Variants in XPO6 observed in about 807,000 individuals in gnomAD.
The protein encoded by XPO6 is exportin-6.
Under a neutral mutation model 130.0 loss-of-function variants are expected in XPO6, and 3 were observed. The observed-to-expected ratio is 0.02, with a 90% CI of 0.01 to 0.06. The LOEUF (loss-of-function observed/expected upper bound fraction) is 0.06. Among genes scored for constraint, XPO6 ranks in the 10% least tolerant of loss-of-function variants. The probability of loss-of-function intolerance (pLI) is 1.00; values close to 1 mark genes in which losing one functional copy is unlikely to be tolerated. For synonymous variants in XPO6, 524 were observed against 548.9 expected (o/e 0.95, Z 0.63); for missense variants, 970 against 1,393.0 (o/e 0.70, Z 4.83).
chr16:28,114,748 AAT>A (rs1438816491), intron 15 of XPO6, among the ~76,000 whole-genome samples: 3 of 152,168 alleles, frequency 2.0e-5, no homozygotes, highest in Non-Finnish European at 4.4e-5. Flanking sequence ...CCTTTCATGA[AAT>A]ATTTCTCTGG....
chr16:28,180,929 T>G lies in XPO6; in HGVS notation c.94+12A>C, dbSNP rs2043605315. 1.2e-6 allele frequency: 2 copies of G among 1,608,328 alleles called. No homozygotes were observed. Among genetic ancestry groups the G allele is most frequent in the South Asian group, 2.2e-5 (2 of 90,218 alleles). ...TTATAAATTCCTCTTTACAAGTCAA[T>G]GCTCCACTTACCTATCTCACGTTTT... On this transcript the variant is annotated intron_variant, in intron 2 of 23. Coordinates refer to ENST00000304658, the MANE Select transcript of XPO6 (RefSeq NM_015171.4).
intron 10 of XPO6, among the ~76,000 whole-genome samples, chr16:28,134,277 A>T (rs145059185): frequency 1.3e-5 from 2 of 152,264 alleles, no homozygotes; most frequent in African/African-American, 4.8e-5. Context: ...CACATAACTG[A>T]CTGACTCAGT....
At chr16:28,105,088 C>T (rs1432305309) in intron 20 of XPO6, among the ~76,000 whole-genome samples, 1 of 152,218 alleles carries the variant, frequency 6.6e-6, no homozygotes, top group African/African-American at 2.4e-5. Context: ...TTCGACCTGT[C>T]AGATCTTCTT....
intron 6 of XPO6, among the ~76,000 whole-genome samples, chr16:28,165,046 G>A (rs747380082): frequency 1.9e-4 from 29 of 151,956 alleles, no homozygotes; most frequent in Non-Finnish European, 3.8e-4. Context: ...GCGAAACCCC[G>A]TCTCTACAAA....
intron 2 of XPO6, among the ~76,000 whole-genome samples, chr16:28,179,960 T>A (rs1242823897): frequency 6.6e-6 from 1 of 152,204 alleles, no homozygotes; most frequent in Admixed American, 6.5e-5. Context: ...GTTTAATTCA[T>A]GAAATAGAAG....
At chr16:28,195,758 A>G (rs927877513) in intron 1 of XPO6, among the ~76,000 whole-genome samples, 3 of 152,184 alleles carry the variant, frequency 2.0e-5, no homozygotes, top group Non-Finnish European at 2.9e-5. Context: ...TCTCAAAAAG[A>G]AAAAGAAAGA....
Position 28,139,981 on chromosome 16 carries a change from C to T in XPO6, c.1335-4657G>A, listed in dbSNP as rs527291959. ...GCGCAGTGGCTCACGCCTGTAATCCCAGCACTTTGGGAGGCCAAGGCAGGC... is the reference window on the plus strand; with the variant it reads ...GCGCAGTGGCTCACGCCTGTAATCCTAGCACTTTGGGAGGCCAAGGCAGGC... On this transcript the variant is annotated intron_variant, in intron 9 of 23. Coordinates refer to ENST00000304658, the MANE Select transcript of XPO6 (RefSeq NM_015171.4). Among the ~76,000 whole-genome samples, 12 of 152,336 alleles carry T rather than the reference C, an allele frequency of 7.9e-5. No homozygotes were observed. In the South Asian group the frequency reaches 1.2e-3, roughly 16 times the overall value.
At chr16:28,177,159 T>G in intron 3 of XPO6, 61 bp downstream of exon 3, 2 of 1,156,290 alleles carry the variant, frequency 1.7e-6, no homozygotes, top group Non-Finnish European at 2.5e-6. Context: ...CTAGTGCTAA[T>G]GATATGGCAA....
chr16:28,149,058 T>TAAAAAAAAAAAAAAAAAAAAAA (rs71389526), intron 8 of XPO6, among the ~76,000 whole-genome samples: 2 of 107,120 alleles, frequency 1.9e-5, no homozygotes, highest in South Asian at 3.2e-4. Flanking sequence ...AAAAAGAAAA[T>TAAAAAAAAAAAAAAAAAAAAAA]AAAAAAAAAA....
intron 15 of XPO6, among the ~76,000 whole-genome samples, chr16:28,115,580 T>C (rs1284565756): frequency 6.6e-6 from 1 of 152,226 alleles, no homozygotes; most frequent in African/African-American, 2.4e-5. Flanking sequence ...GCAAAGTAGA[T>C]TCAGCATAAT....
At chr16:28,153,379 T>C in intron 7 of XPO6, 1 of 985,232 alleles carries the variant, frequency 1.0e-6, no homozygotes, top group Non-Finnish European at 1.2e-6. Context: ...CCTCAGGGAC[T>C]TTAGTCTGAT....
intron 8 of XPO6, among the ~76,000 whole-genome samples, chr16:28,147,421 T>C (rs1449493679): frequency 1.6e-5 from 2 of 126,638 alleles, no homozygotes; most frequent in Non-Finnish European, 3.3e-5. Flanking sequence ...AAAATTAAAA[T>C]AGGAAAGGAA....
intron 8 of XPO6, among the ~76,000 whole-genome samples, chr16:28,148,343 A>C (rs1448805857): frequency 6.6e-6 from 1 of 152,208 alleles, no homozygotes; most frequent in Non-Finnish European, 1.5e-5. Context: ...GGGCTTGTGC[A>C]CTGCCCACAG....
intron 4 of XPO6, among the ~76,000 whole-genome samples, chr16:28,170,314 G>A (rs1470809398): frequency 5.7e-5 from 8 of 140,236 alleles, no homozygotes; most frequent in Admixed American, 7.3e-5. Flanking sequence ...CCTGGGCACC[G>A]AGAGCAAAAC....
At chr16:28,210,510 C>A (rs2044110399) in intron 1 of XPO6, among the ~76,000 whole-genome samples, 1 of 152,032 alleles carries the variant, frequency 6.6e-6, no homozygotes, top group Non-Finnish European at 1.5e-5. Context: ...CTGTGTATAC[C>A]GCAATAGACA....
chr16:28,143,675 C>A (rs893839061), intron 9 of XPO6, among the ~76,000 whole-genome samples: 1 of 152,150 alleles, frequency 6.6e-6, no homozygotes, highest in Non-Finnish European at 1.5e-5. Flanking sequence ...CTCATTCTGT[C>A]GCCTAGGCTG....
At chr16:28,123,435 G>GA (rs3214136) in intron 13 of XPO6, among the ~76,000 whole-genome samples, 8,156 of 152,144 alleles carry the variant, frequency 0.054, 596 homozygotes, top group East Asian at 0.17. Context: ...GAGTGAAGGG[G>GA]AAAAAACCCA....
rs150739661 is a variant in XPO6 at position 28,136,373 on chromosome 16, C to T, written c.1335-1049G>A. On this transcript the variant is annotated intron_variant, in intron 9 of 23. Coordinates refer to ENST00000304658, the MANE Select transcript of XPO6 (RefSeq NM_015171.4). ...TGGCTGGGATTACAGGCATGACCCA[C>T]TAGGTCTGGCTAATTTTTGTATTTT... Among the ~76,000 whole-genome samples, 688 of 152,306 alleles carry T rather than the reference C, an allele frequency of 4.5e-3. 7 individuals are homozygous for T. Among genetic ancestry groups the T allele is most frequent in the African/African-American group, 0.016 (668 of 41,560 alleles).
At chr16:28,157,451 A>G (rs1183901161) in intron 6 of XPO6, among the ~76,000 whole-genome samples, 1 of 152,194 alleles carries the variant, frequency 6.6e-6, no homozygotes, top group Non-Finnish European at 1.5e-5. Flanking sequence ...GCGAAACTCC[A>G]TCTCAAAAAA....
Sources: allele counts gnomAD v4.1 joint callset (sites outside exome capture counted in the v4.1 genomes callset), GRCh38; gene constraint gnomAD v4.1.1; transcripts MANE v1.5; gene names NCBI Gene and HGNC (gene_info 2026-07-23, HGNC 2026-07-21).